FARS2: variants seen among roughly 807,000 people sequenced by gnomAD.
FARS2 encodes the protein phenylalanine--tRNA ligase, mitochondrial.
Under a neutral mutation model 46.4 loss-of-function variants are expected in FARS2, and 40 were observed. The observed-to-expected ratio is 0.86, with a 90% CI of 0.67 to 1.12. FARS2 has a LOEUF of 1.12. FARS2 is among the 50% of genes most tolerant of loss of function. The pLI, the probability that FARS2 is intolerant of heterozygous loss-of-function variation, is 0.00. For synonymous variants in FARS2, 234 were observed against 214.9 expected, an observed-to-expected ratio of 1.09 and a Z score of -0.78; for missense variants, 513 against 567.9, an observed-to-expected ratio of 0.90 and a Z score of 0.98.
intron 6 of FARS2, among the ~76,000 whole-genome samples, chr6:5,717,648 ATCTC>A (rs758418908): frequency 1.3e-5 from 2 of 151,980 alleles, no homozygotes; most frequent in Non-Finnish European, 2.9e-5. Context: ...ACTTCCATAT[ATCTC>A]TCCTTTCATG....
chr6:5,619,167 C>T (rs1178063581), intron 6 of FARS2, among the ~76,000 whole-genome samples: 1 of 152,154 alleles, frequency 6.6e-6, no homozygotes, highest in Non-Finnish European at 1.5e-5. Flanking sequence ...TATTTATGAA[C>T]TGTGGAGATG....
chr6:5,305,773 G>A (rs950995465), intron 1 of FARS2, among the ~76,000 whole-genome samples: 7 of 152,114 alleles, frequency 4.6e-5, no homozygotes, highest in Non-Finnish European at 1.0e-4. Context: ...CCCTACAAGT[G>A]TGTATTTGGA....
chr6:5,414,531 T>C (rs1353482865), intron 3 of FARS2, among the ~76,000 whole-genome samples: 1 of 152,216 alleles, frequency 6.6e-6, no homozygotes, highest in African/African-American at 2.4e-5. Flanking sequence ...TTCTCTGGCT[T>C]CTTTCACTCA....
chr6:5,502,052 G>C (rs1306184990), intron 4 of FARS2, among the ~76,000 whole-genome samples: 1 of 152,190 alleles, frequency 6.6e-6, no homozygotes, highest in Non-Finnish European at 1.5e-5. Flanking sequence ...TGATAAAACA[G>C]TGTGCTGACA....
chr6:5,717,933 T>TGGAGAGAGAGAG (rs1554128878), intron 6 of FARS2, among the ~76,000 whole-genome samples: 6 of 128,228 alleles, frequency 4.7e-5, no homozygotes, highest in Non-Finnish European at 6.2e-5. Flanking sequence ...TATATATATA[T>TGGAGAGAGAGAG]ATACAGAGTC....
chr6:5,516,856 G>A (rs527875488), intron 4 of FARS2, among the ~76,000 whole-genome samples: 6 of 152,342 alleles, frequency 3.9e-5, no homozygotes, highest in African/African-American at 1.4e-4. Flanking sequence ...CTTCAGTGGT[G>A]TGCATGCTAC....
chr6:5,500,964 GA>G (rs1252245917), intron 4 of FARS2, among the ~76,000 whole-genome samples: 1 of 115,490 alleles, frequency 8.7e-6, no homozygotes, highest in Non-Finnish European at 2.0e-5. Flanking sequence ...GAGAGAGAGA[GA>G]GAGAGATGCC....
intron 6 of FARS2, among the ~76,000 whole-genome samples, chr6:5,628,944 A>G (rs901330998): frequency 6.6e-6 from 1 of 152,262 alleles, no homozygotes; most frequent in African/African-American, 2.4e-5. Context: ...GGAAGAGGTA[A>G]GAGGTTGAAG....
At chr6:5,617,845 C>T (rs986017615) in intron 6 of FARS2, among the ~76,000 whole-genome samples, 3 of 152,268 alleles carry the variant, frequency 2.0e-5, no homozygotes, top group East Asian at 1.9e-4. Context: ...GTTTAGGCCA[C>T]TTATTTTTTA....
At chr6:5,699,575 T>A (rs994361690) in intron 6 of FARS2, among the ~76,000 whole-genome samples, 1 of 151,720 alleles carries the variant, frequency 6.6e-6, no homozygotes, top group African/African-American at 2.4e-5. Flanking sequence ...TGGCGCGATC[T>A]CGGCTCACTG....
At chr6:5,268,943 G>C (rs1433367669) in intron 1 of FARS2, among the ~76,000 whole-genome samples, 2 of 152,022 alleles carry the variant, frequency 1.3e-5, no homozygotes, top group Non-Finnish European at 2.9e-5. Flanking sequence ...GGATTCCTAG[G>C]TATTAGAACT....
In FARS2 at chr6:5,359,237, G is replaced by A. The variant is rs539741671; in HGVS notation, c.-21-9313G>A. Among the ~76,000 whole-genome samples the A allele has an allele frequency of 3.3e-5, 5 of 151,642 alleles. No homozygotes were observed. The East Asian group carries it at 7.8e-4, about 24-fold the overall frequency. ...GTATTTTTAGTACCGGCGGGGTTTC[G>A]CCATGTTGGCCAGGCCATTCCCAAA... On this transcript the variant is annotated intron_variant, in intron 1 of 6. Transcript: ENST00000274680.
At chr6:5,659,032 TG>T (rs1777728382) in intron 6 of FARS2, among the ~76,000 whole-genome samples, 1 of 152,232 alleles carries the variant, frequency 6.6e-6, no homozygotes, top group South Asian at 2.1e-4. Flanking sequence ...GTGCCCGCGT[TG>T]GACTACAGTT....
chr6:5,477,754 C>T (rs978346218), intron 4 of FARS2, among the ~76,000 whole-genome samples: 1 of 152,120 alleles, frequency 6.6e-6, no homozygotes, highest in Non-Finnish European at 1.5e-5. Context: ...TGTGGTGGCT[C>T]ATGCCTGTAG....
intron 1 of FARS2, among the ~76,000 whole-genome samples, chr6:5,307,734 T>C (rs1027533862): frequency 4.6e-5 from 7 of 152,008 alleles, no homozygotes; most frequent in African/African-American, 7.2e-5. Flanking sequence ...TTTCCTGTTT[T>C]ATGAACTAAT....
At chr6:5,532,757 A>C (rs979686878) in intron 4 of FARS2, among the ~76,000 whole-genome samples, 2 of 139,626 alleles carry the variant, frequency 1.4e-5, no homozygotes, top group African/African-American at 6.2e-5. Flanking sequence ...TTTCAAAAGT[A>C]GTAGTAGTAA....
chr6:5,750,940 C>T (rs892768635), intron 6 of FARS2, among the ~76,000 whole-genome samples: 1 of 151,990 alleles, frequency 6.6e-6, no homozygotes, highest in Non-Finnish European at 1.5e-5. Context: ...TGCTAGACAC[C>T]CAATTGACTC....
chr6:5,276,692 T>C (rs1766358756), intron 1 of FARS2, among the ~76,000 whole-genome samples: 1 of 151,926 alleles, frequency 6.6e-6, no homozygotes, highest in South Asian at 2.1e-4. Flanking sequence ...GTCCCCAAAC[T>C]GATGTGGTTC....
intron 4 of FARS2, among the ~76,000 whole-genome samples, chr6:5,514,190 G>A (rs1768644516): frequency 6.6e-6 from 1 of 151,972 alleles, no homozygotes; most frequent in African/African-American, 2.4e-5. Flanking sequence ...CAAATATGCA[G>A]CCAAACCCTT....
Sources: gnomAD v4.1 joint callset for allele counts (sites outside exome capture counted in the v4.1 genomes callset) on GRCh38, gnomAD v4.1.1 for gene constraint, MANE v1.5 for transcripts, NCBI Gene and HGNC (gene_info 2026-07-23, HGNC 2026-07-21) for gene names.